The following THSD7A variants were observed in gnomAD, a reference collection of about 807,000 sequenced individuals.
THSD7A encodes the protein thrombospondin type-1 domain-containing protein 7A.
THSD7A carries 96 observed loss-of-function variants against 231.3 expected under a neutral mutation model. That is an observed-to-expected ratio of 0.41 (90% CI 0.35 to 0.49). The LOEUF is 0.49. Ranked by LOEUF, THSD7A falls within the 20% of genes least tolerant of loss-of-function variation. The pLI, the probability that THSD7A is intolerant of heterozygous loss-of-function variation, is 0.05. For synonymous variants in THSD7A, 940 were observed against 743.3 expected (o/e 1.26, Z -4.30); for missense variants, 2,290 against 2,070.2 (o/e 1.11, Z -2.06).
chr7:11,702,976 G>A (rs1780651143), intron 1 of THSD7A, among the ~76,000 whole-genome samples: 1 of 151,154 alleles, frequency 6.6e-6, no homozygotes, highest in Admixed American at 6.6e-5. Context: ...TCATGTCTTT[G>A]CTCAGTCTTC....
intron 2 of THSD7A, among the ~76,000 whole-genome samples, chr7:11,597,216 G>A (rs1485343859): frequency 6.6e-6 from 1 of 152,180 alleles, no homozygotes; most frequent in African/African-American, 2.4e-5. Context: ...GGGGTCCAGT[G>A]GTGTGGGGCC....
intron 1 of THSD7A, among the ~76,000 whole-genome samples, chr7:11,688,608 C>G (rs1291401106): frequency 6.6e-6 from 1 of 151,746 alleles, no homozygotes; most frequent in Admixed American, 6.6e-5. Flanking sequence ...GAACAGCCAG[C>G]AGCTTTGTAG....
intron 11 of THSD7A, among the ~76,000 whole-genome samples, chr7:11,450,324 G>GA (rs1005691002): frequency 4.6e-5 from 7 of 151,230 alleles, no homozygotes; most frequent in African/African-American, 9.7e-5. Context: ...TAGTTGAAAA[G>GA]AAAAAAAAAT....
chr7:11,432,017 C>G (rs1465777335), intron 13 of THSD7A, among the ~76,000 whole-genome samples: 1 of 152,028 alleles, frequency 6.6e-6, no homozygotes, highest in African/African-American at 2.4e-5. Context: ...CAAATTTAAT[C>G]TATAAGATTG....
chr7:11,525,278 C>A (rs578143104), intron 6 of THSD7A, among the ~76,000 whole-genome samples: 95 of 147,044 alleles, frequency 6.5e-4, no homozygotes, highest in African/African-American at 2.3e-3. Flanking sequence ...TTTAAATTCA[C>A]CCTGCCAAGA....
At chr7:11,782,878 T>C (rs1783676640) in intron 1 of THSD7A, among the ~76,000 whole-genome samples, 2 of 152,206 alleles carry the variant, frequency 1.3e-5, no homozygotes, top group Non-Finnish European at 2.9e-5. Flanking sequence ...TCTATTTTAC[T>C]TGAATCATTG....
At chr7:11,487,604 T>A (rs560864539) in intron 6 of THSD7A, among the ~76,000 whole-genome samples, 4 of 152,112 alleles carry the variant, frequency 2.6e-5, no homozygotes, top group Non-Finnish European at 1.5e-5. Flanking sequence ...AAAAAGAGGT[T>A]TAATGGACTT....
intron 1 of THSD7A, among the ~76,000 whole-genome samples, chr7:11,810,858 T>A: frequency 6.6e-6 from 1 of 152,212 alleles, no homozygotes; most frequent in African/African-American, 2.4e-5. Flanking sequence ...TTCAGAAAAA[T>A]TTTGAAACAT....
Position 11,636,937 on chromosome 7 carries a change from TCTCCCATA to T in THSD7A, c.207_214del (p.Cys69Ter), listed in dbSNP as rs761370734. ...TTGGATGCCTCCGGGACCACATTCA[TCTCCCATA>T]CATCGGCCCCATGGACCTACAAAAA... On this transcript the variant is annotated stop_gained and frameshift_variant, in exon 2 of 28. Transcript: ENST00000423059. LOFTEE classifies it high-confidence loss of function. The surrounding 1 kb of genome is among the most constrained non-coding windows in gnomAD (Gnocchi z 10.0). 6.2e-7 allele frequency: 1 copy of T among 1,611,152 alleles called. No homozygotes were observed. The highest frequency in any genetic ancestry group is 1.1e-5 in the South Asian group (1 of 91,046).
intron 4 of THSD7A, among the ~76,000 whole-genome samples, chr7:11,547,592 G>A (rs1228720734): frequency 6.6e-6 from 1 of 152,068 alleles, no homozygotes; most frequent in East Asian, 1.9e-4. Context: ...TTGACCATAT[G>A]CTTGAACATA....
chr7:11,374,004 A>C lies in THSD7A; in HGVS notation c.*1790T>G, dbSNP rs1782165440. On this transcript the variant is annotated 3_prime_UTR_variant, in exon 28 of 28. Transcript: ENST00000423059. The stretch of plus-strand genomic sequence containing the variant: ...GTTCCACTGTGCCATTCCCAGGGCT[A>C]CATCTGTAGAAAATACAGCTACTTC... 1 of 152,094 alleles carries C rather than the reference A, an allele frequency of 6.6e-6. No homozygotes were observed. Among genetic ancestry groups the C allele is most frequent in the African/African-American group, 2.4e-5 (1 of 41,440 alleles). The allele number at this position is 152,094 out of a possible 1,614,324, so 9.4% of individuals were successfully genotyped here.
intron 4 of THSD7A, among the ~76,000 whole-genome samples, chr7:11,559,801 A>C (rs1003240508): frequency 1.3e-5 from 2 of 152,190 alleles, no homozygotes; most frequent in Non-Finnish European, 2.9e-5. Flanking sequence ...GATAACACTA[A>C]GTGCTGGAGA....
intron 1 of THSD7A, among the ~76,000 whole-genome samples, chr7:11,699,076 TG>T (rs1309926261): frequency 6.6e-6 from 1 of 151,002 alleles, no homozygotes; most frequent in Admixed American, 6.6e-5. Context: ...GCACTTTTTT[TG>T]TAAGGAAATA....
intron 13 of THSD7A, among the ~76,000 whole-genome samples, chr7:11,440,791 C>T (rs1784780312): frequency 6.6e-6 from 1 of 151,998 alleles, no homozygotes; most frequent in African/African-American, 2.4e-5. Flanking sequence ...GGTGAAGATG[C>T]AGTGACAATT....
intron 1 of THSD7A, among the ~76,000 whole-genome samples, chr7:11,768,957 T>A (rs1783118181): frequency 1.4e-5 from 2 of 147,828 alleles, no homozygotes; most frequent in Admixed American, 1.4e-4. Context: ...TTTTGTTTTA[T>A]TTTTGTTTTG....
chr7:11,468,848 A>G (rs528803441), intron 9 of THSD7A, among the ~76,000 whole-genome samples: 3 of 152,170 alleles, frequency 2.0e-5, no homozygotes, highest in Admixed American at 6.5e-5. Flanking sequence ...AAATAAAATA[A>G]AATAAAGAAT....
intron 2 of THSD7A, among the ~76,000 whole-genome samples, chr7:11,622,800 T>A (rs1377665398): frequency 6.6e-6 from 1 of 152,210 alleles, no homozygotes; most frequent in Non-Finnish European, 1.5e-5. Context: ...GAATAGATTA[T>A]ATGAATTATT....
intron 26 of THSD7A, chr7:11,378,610 G>T (rs1448695332): frequency 6.1e-6 from 1 of 164,562 alleles, no homozygotes; most frequent in African/African-American, 2.4e-5. Flanking sequence ...AACTGGTCTA[G>T]CTACCACGTG....
intron 13 of THSD7A, among the ~76,000 whole-genome samples, chr7:11,441,133 ACCTACTACT>A (rs1784790624): frequency 6.6e-6 from 1 of 152,062 alleles, no homozygotes; most frequent in African/African-American, 2.4e-5. Context: ...TTTGTGGAAC[ACCTACTACT>A]GTTCTAGGTA....
Sources: allele counts gnomAD v4.1 joint callset (sites outside exome capture counted in the v4.1 genomes callset), GRCh38; gene constraint gnomAD v4.1.1; non-coding constraint Gnocchi (gnomAD v3.1); transcripts MANE v1.5; gene names NCBI Gene and HGNC (gene_info 2026-07-23, HGNC 2026-07-21).